The following LRMDA variants were observed in gnomAD, a reference collection of about 807,000 sequenced individuals.
The protein encoded by LRMDA is leucine-rich melanocyte differentiation-associated protein.
Under a neutral mutation model 29.8 loss-of-function variants are expected in LRMDA, and 18 were observed. The observed-to-expected ratio is 0.60, with a 90% CI of 0.42 to 0.90. LRMDA has a LOEUF of 0.90. Ranked by LOEUF, LRMDA falls within the 40% of genes least tolerant of loss-of-function variation. The pLI, the probability that LRMDA is intolerant of heterozygous loss-of-function variation, is 0.00. For missense variants in LRMDA, 273 were observed against 273.9 expected (o/e 1.00, Z 0.02); for synonymous variants, 125 against 109.4 (o/e 1.14, Z -0.89).
intron 2 of LRMDA, among the ~76,000 whole-genome samples, chr10:75,786,261 G>A (rs1344537616): frequency 1.3e-5 from 2 of 152,166 alleles, no homozygotes; most frequent in Non-Finnish European, 2.9e-5. Flanking sequence ...TGATGAGTAG[G>A]TGGAGTCCAT....
At chr10:75,855,220 C>A (rs1844804531) in intron 2 of LRMDA, among the ~76,000 whole-genome samples, 1 of 152,250 alleles carries the variant, frequency 6.6e-6, no homozygotes, top group African/African-American at 2.4e-5. Flanking sequence ...CACATCCTCT[C>A]CAGCACCTGT....
chr10:76,229,996 C>A (rs1589385638), intron 5 of LRMDA, among the ~76,000 whole-genome samples: 1 of 152,160 alleles, frequency 6.6e-6, no homozygotes, highest in South Asian at 2.1e-4. Context: ...CCTGGAGCCC[C>A]CTGGGACCAA....
chr10:76,332,667 T>C (rs1045453119), intron 6 of LRMDA, among the ~76,000 whole-genome samples: 2 of 152,212 alleles, frequency 1.3e-5, no homozygotes, highest in African/African-American at 4.8e-5. Context: ...GGTGGAAGGT[T>C]CTAAATGTGC....
intron 2 of LRMDA, among the ~76,000 whole-genome samples, chr10:75,818,028 C>G (rs143134007): frequency 3.3e-5 from 5 of 152,248 alleles, no homozygotes; most frequent in South Asian, 2.1e-4. Flanking sequence ...CATGATGGTT[C>G]CATGAATTGC....
At chr10:75,733,589 T>G (rs1332379313) in intron 2 of LRMDA, among the ~76,000 whole-genome samples, 1 of 152,150 alleles carries the variant, frequency 6.6e-6, no homozygotes. Context: ...TTTATTGAGA[T>G]GATAATGTGG....
In LRMDA at chr10:76,244,116, A is replaced by G. The variant is rs956239297; in HGVS notation, c.517-80285A>G. Among the ~76,000 whole-genome samples the G allele has an allele frequency of 3.3e-5, 5 of 152,244 alleles. 1 individual carries two copies. Among genetic ancestry groups the G allele is most frequent in the Admixed American group, 6.5e-5 (1 of 15,294 alleles). ...TGCAAGATCCCTGGGAAACAAATAT[A>G]CCAGTTTTATAATAAATTGCTTATA... On this transcript the variant is annotated intron_variant, in intron 5 of 6. Transcript: ENST00000611255.
chr10:76,077,326 A>G (rs1359750265), intron 5 of LRMDA, among the ~76,000 whole-genome samples: 1 of 152,212 alleles, frequency 6.6e-6, no homozygotes, highest in East Asian at 1.9e-4. Flanking sequence ...CAAGCTTTCT[A>G]GAGGGCTGAA....
intron 5 of LRMDA, among the ~76,000 whole-genome samples, chr10:76,160,629 AT>A (rs529795410): frequency 2.6e-5 from 4 of 152,070 alleles, no homozygotes; most frequent in Non-Finnish European, 2.9e-5. Context: ...TATACTTACA[AT>A]TTTTTTGAAA....
intron 5 of LRMDA, among the ~76,000 whole-genome samples, chr10:76,086,425 C>T (rs1179716446): frequency 6.7e-6 from 1 of 150,116 alleles, no homozygotes; most frequent in African/African-American, 2.5e-5. Context: ...TTTCTTCAAA[C>T]AAGCCCTAGT....
At chr10:75,504,923 G>T (rs920449516) in intron 2 of LRMDA, among the ~76,000 whole-genome samples, 2 of 152,150 alleles carry the variant, frequency 1.3e-5, no homozygotes, top group East Asian at 3.9e-4. Context: ...TAAATGGATT[G>T]GGGGAGGTCA....
At chr10:75,461,959 C>G (rs536300154) in intron 2 of LRMDA, among the ~76,000 whole-genome samples, 1 of 152,344 alleles carries the variant, frequency 6.6e-6, no homozygotes, top group South Asian at 2.1e-4. Context: ...CAGATCCAAC[C>G]TTTTAAGCAT....
intron 2 of LRMDA, among the ~76,000 whole-genome samples, chr10:76,014,785 C>G (rs553450292): frequency 1.3e-5 from 2 of 152,314 alleles, no homozygotes; most frequent in East Asian, 3.9e-4. Flanking sequence ...AATGGAGGCC[C>G]ACTGGCTCTG....
chr10:75,590,115 G>T (rs1014168725), intron 2 of LRMDA, among the ~76,000 whole-genome samples: 9 of 151,578 alleles, frequency 5.9e-5, no homozygotes, highest in African/African-American at 2.2e-4. Flanking sequence ...GACCTCTTGG[G>T]CTCAGGTAAT....
At chr10:75,929,820 C>A (rs754374134) in intron 2 of LRMDA, among the ~76,000 whole-genome samples, 1 of 152,146 alleles carries the variant, frequency 6.6e-6, no homozygotes, top group Admixed American at 6.5e-5. Context: ...TAAATAATGT[C>A]GTCAGGAGTT....
At chr10:76,229,581 G>A (rs768051989) in intron 5 of LRMDA, among the ~76,000 whole-genome samples, 31 of 152,212 alleles carry the variant, frequency 2.0e-4, no homozygotes, top group Non-Finnish European at 3.8e-4. Flanking sequence ...TTCAGAAAAA[G>A]CCGCCCTCTG....
intron 2 of LRMDA, among the ~76,000 whole-genome samples, chr10:75,765,548 TG>T (rs1285965716): frequency 2.0e-5 from 3 of 152,050 alleles, no homozygotes; most frequent in African/African-American, 7.3e-5. Flanking sequence ...TCCAAAAAAT[TG>T]GTTTTGAATT....
intron 2 of LRMDA, among the ~76,000 whole-genome samples, chr10:75,808,061 C>T (rs1447108168): frequency 6.6e-6 from 1 of 152,148 alleles, no homozygotes; most frequent in Non-Finnish European, 1.5e-5. Context: ...GGAAAATTCA[C>T]CTTTGTCTTG....
At chr10:75,845,230 A>G (rs1014055710) in intron 2 of LRMDA, among the ~76,000 whole-genome samples, 3 of 151,144 alleles carry the variant, frequency 2.0e-5, no homozygotes, top group African/African-American at 7.3e-5. Flanking sequence ...TAAATGCAAT[A>G]TTTTGTTTGC....
intron 2 of LRMDA, among the ~76,000 whole-genome samples, chr10:76,020,564 C>T (rs1444709127): frequency 2.0e-5 from 3 of 152,156 alleles, no homozygotes; most frequent in Non-Finnish European, 4.4e-5. Flanking sequence ...AGGCCCCTCA[C>T]TCTAAGGTGA....
Sources: allele counts gnomAD v4.1 joint callset (sites outside exome capture counted in the v4.1 genomes callset), GRCh38; gene constraint gnomAD v4.1.1; transcripts MANE v1.5; gene names NCBI Gene and HGNC (gene_info 2026-07-23, HGNC 2026-07-21).